Variants in PSD3 observed in about 807,000 individuals in gnomAD.
PSD3 encodes the protein PH and SEC7 domain-containing protein 3.
PSD3 carries 49 observed loss-of-function variants against 105.5 expected under a neutral mutation model. The observed-to-expected ratio is 0.46, with a 90% CI of 0.37 to 0.59. The LOEUF is 0.59. Ranked by LOEUF, PSD3 falls within the 20% of genes least tolerant of loss-of-function variation. The pLI, the probability that PSD3 is intolerant of heterozygous loss-of-function variation, is 0.00. For missense variants in PSD3, 1,561 were observed against 1,263.8 expected (o/e 1.24, Z -3.57); for synonymous variants, 557 against 457.8 (o/e 1.22, Z -2.77).
At chr8:18,676,008 T>C (rs1261805795) in intron 9 of PSD3, among the ~76,000 whole-genome samples, 4 of 152,328 alleles carry the variant, frequency 2.6e-5, no homozygotes, top group East Asian at 1.9e-4. Context: ...AAGCTCCTTA[T>C]GGTCAACTTC....
chr8:18,642,312 C>T (rs1243651047), intron 10 of PSD3, among the ~76,000 whole-genome samples: 2 of 152,210 alleles, frequency 1.3e-5, no homozygotes, highest in Admixed American at 1.3e-4. Context: ...CTTGATCTGG[C>T]TAAATTTTCT....
chr8:18,797,106 G>T (rs749918584), intron 8 of PSD3, among the ~76,000 whole-genome samples: 1 of 152,016 alleles, frequency 6.6e-6, no homozygotes, highest in Non-Finnish European at 1.5e-5. Context: ...AGAGGAGAAA[G>T]ATAGAAGAAA....
chr8:18,775,769 T>G (rs537682950), intron 8 of PSD3, among the ~76,000 whole-genome samples: 2 of 152,220 alleles, frequency 1.3e-5, no homozygotes, highest in African/African-American at 4.8e-5. Flanking sequence ...CTTCTACCAT[T>G]CTGTAGCTTG....
In PSD3 at chr8:18,995,865, C is replaced by A. The variant is rs942625209; in HGVS notation, c.21+17698G>T. 2.0e-5 allele frequency among the ~76,000 whole-genome samples: 3 copies of A among 151,974 alleles called. No individual in the cohort carries two copies. The South Asian group carries it at 6.3e-4, about 32-fold the overall frequency. On this transcript the variant is annotated intron_variant, in intron 1 of 15. Transcript: ENST00000327040. ...ATGATTCAATTACCTCCCACCAGGT[C>A]CCTCCCATGACACGTGGGGATTATG...
chr8:18,941,269 C>G (rs989854391), intron 1 of PSD3, among the ~76,000 whole-genome samples: 15 of 152,162 alleles, frequency 9.9e-5, no homozygotes, highest in African/African-American at 3.6e-4. Flanking sequence ...AATCTCGGCT[C>G]GATAGTACCA....
At chr8:18,679,473 G>C (rs1800262385) in intron 9 of PSD3, among the ~76,000 whole-genome samples, 1 of 152,182 alleles carries the variant, frequency 6.6e-6, no homozygotes, top group Admixed American at 6.5e-5. Flanking sequence ...ACATCTCCTA[G>C]TACAGGAAGA....
chr8:18,883,418 G>C (rs1818251119), intron 2 of PSD3, among the ~76,000 whole-genome samples: 2 of 152,164 alleles, frequency 1.3e-5, no homozygotes, highest in South Asian at 4.1e-4. Context: ...CTTTCCAAGA[G>C]AGGAAGAGAA....
chr8:18,927,092 T>C (rs565837645), intron 2 of PSD3, among the ~76,000 whole-genome samples: 3 of 152,132 alleles, frequency 2.0e-5, no homozygotes, highest in Non-Finnish European at 2.9e-5. Context: ...GCTGAAGAGA[T>C]GCATATGGTA....
chr8:18,700,897 T>C (rs917467723), intron 9 of PSD3, among the ~76,000 whole-genome samples: 13 of 152,148 alleles, frequency 8.5e-5, no homozygotes, highest in African/African-American at 2.7e-4. Flanking sequence ...AGTTTATATA[T>C]CTGTACTGAT....
intron 2 of PSD3, 84 bp downstream of exon 2, chr8:18,935,950 A>G: frequency 1.2e-6 from 1 of 808,664 alleles, no homozygotes; most frequent in South Asian, 1.8e-5. Context: ...GGAAGAAGAA[A>G]GTAATGCAGG....
chr8:18,681,078 G>T (rs530883159), intron 9 of PSD3, among the ~76,000 whole-genome samples: 4 of 152,304 alleles, frequency 2.6e-5, no homozygotes, highest in African/African-American at 9.6e-5. Context: ...TTCCAACTCT[G>T]ACAAGGAGAA....
Position 18,649,441 on chromosome 8 carries a change from T to C in PSD3, c.2216+6201A>G, listed in dbSNP as rs768532256. ...TTTGGCTGCTTTCTTCCTTTTGGAA[T>C]AGGAGTATTTAGCCAATGCCTGTAC... On this transcript the variant is annotated intron_variant, in intron 10 of 15. Coordinates refer to ENST00000327040, the MANE Select transcript of PSD3 (RefSeq NM_015310.4). 2.0e-4 allele frequency among the ~76,000 whole-genome samples: 31 copies of C among 152,294 alleles called. 1 individual carries two copies. The highest frequency in any genetic ancestry group is 3.7e-4 in the Non-Finnish European group (25 of 68,020).
intron 10 of PSD3, among the ~76,000 whole-genome samples, chr8:18,635,905 G>A (rs1192065950): frequency 1.3e-5 from 2 of 151,976 alleles, no homozygotes; most frequent in Non-Finnish European, 2.9e-5. Context: ...GAGGGCAAGG[G>A]GAGGGAGGAG....
At chr8:19,069,115 C>G (rs1208126308) in intron 1 of PSD3, among the ~76,000 whole-genome samples, 1 of 152,152 alleles carries the variant, frequency 6.6e-6, no homozygotes, top group East Asian at 1.9e-4. Flanking sequence ...AAAATAGCCA[C>G]CCAGTGCGGT....
chr8:18,992,183 G>C (rs992068308), intron 1 of PSD3, among the ~76,000 whole-genome samples: 6 of 152,028 alleles, frequency 3.9e-5, no homozygotes, highest in African/African-American at 1.5e-4. Context: ...ATAAGGATCA[G>C]ACCTCAAACT....
chr8:18,822,787 C>T (rs1321640418), intron 4 of PSD3, among the ~76,000 whole-genome samples: 1 of 152,152 alleles, frequency 6.6e-6, no homozygotes, highest in East Asian at 1.9e-4. Flanking sequence ...ATATGCTGAC[C>T]TCCCTAGTAT....
intron 1 of PSD3, among the ~76,000 whole-genome samples, chr8:18,967,421 G>A (rs1824343282): frequency 6.6e-6 from 1 of 152,130 alleles, no homozygotes; most frequent in Admixed American, 6.5e-5. Flanking sequence ...TGGGATTACA[G>A]GCGTGAGCCA....
intron 9 of PSD3, among the ~76,000 whole-genome samples, chr8:18,712,910 G>A (rs997871227): frequency 9.2e-5 from 14 of 152,220 alleles, no homozygotes; most frequent in Middle Eastern, 3.4e-3. Flanking sequence ...ACTGCATCCC[G>A]AAGCACATTG....
intron 12 of PSD3, among the ~76,000 whole-genome samples, chr8:18,593,564 G>A (rs1391633649): frequency 6.6e-6 from 1 of 152,126 alleles, no homozygotes; most frequent in Non-Finnish European, 1.5e-5. Context: ...AAGACAGTGT[G>A]GTGATTCCTC....
Sources: gnomAD v4.1 joint callset for allele counts (sites outside exome capture counted in the v4.1 genomes callset) on GRCh38, gnomAD v4.1.1 for gene constraint, MANE v1.5 for transcripts, NCBI Gene and HGNC (gene_info 2026-07-23, HGNC 2026-07-21) for gene names.